OPA1: variants seen among roughly 807,000 people sequenced by gnomAD.
The protein encoded by OPA1 is dynamin-like GTPase OPA1, mitochondrial.
OPA1 carries 59 observed loss-of-function variants against 152.9 expected under a neutral mutation model. That is an observed-to-expected ratio of 0.39 (90% CI 0.31 to 0.48). The LOEUF is 0.48. Among genes scored for constraint, OPA1 ranks in the 20% least tolerant of loss-of-function variants. The probability of loss-of-function intolerance (pLI) is 0.96; values close to 1 mark genes in which losing one functional copy is unlikely to be tolerated. For synonymous variants in OPA1, 400 were observed against 389.9 expected (o/e 1.03, Z -0.31); for missense variants, 1,008 against 1,216.8 (o/e 0.83, Z 2.55).
intron 1 of OPA1, among the ~76,000 whole-genome samples, chr3:193,596,294 A>ACTTTTCTTTT (rs776639249): frequency 0.05 from 4,457 of 89,266 alleles, 89 homozygotes; most frequent in Non-Finnish European, 0.064. Context: ...GGCCATCGCA[A>ACTTTTCTTTT]CTTTTCTTTT....
chr3:193,612,268 C>CTTTT (rs34283831), intron 1 of OPA1, among the ~76,000 whole-genome samples: 11 of 116,330 alleles, frequency 9.5e-5, no homozygotes, highest in African/African-American at 3.6e-4. Context: ...GTCTAACTTC[C>CTTTT]TTTTTTTTTT....
At chr3:193,648,710 C>T in intron 20 of OPA1, 85 bp from the exon 21 acceptor site, 1 of 962,130 alleles carries the variant, frequency 1.0e-6, no homozygotes, top group Admixed American at 1.8e-5. Context: ...AGTCAAAAAC[C>T]TCCCTTTGGT....
At chr3:193,626,619 A>G (rs1468711564) in intron 7 of OPA1, among the ~76,000 whole-genome samples, 3 of 152,204 alleles carry the variant, frequency 2.0e-5, no homozygotes, top group Non-Finnish European at 4.4e-5. Flanking sequence ...ACATTTATTT[A>G]TTTGTTTTAG....
In OPA1 at chr3:193,692,152, C is replaced by T; in HGVS notation, c.*5+20C>T. 1 of 1,267,228 alleles carries T rather than the reference C, an allele frequency of 7.9e-7. No individual in the cohort carries two copies. The highest frequency in any genetic ancestry group is 1.1e-6 in the Non-Finnish European group (1 of 882,488). 78.5% of individuals were successfully genotyped at this position (1,267,228 alleles called of 1,614,324 possible). On this transcript the variant is annotated intron_variant, in intron 30 of 30. Transcript: ENST00000361510. ...AATTAAGTGAGTAAAAATTCTCTAA[C>T]TGTATTGGTGCTGACTAAATACAAA...
intron 30 of OPA1, among the ~76,000 whole-genome samples, chr3:193,694,398 A>G (rs762830662): frequency 1.7e-4 from 26 of 152,170 alleles, no homozygotes; most frequent in Non-Finnish European, 3.8e-4. Context: ...TCTTCAATTA[A>G]TTTTAGTATA....
At position 193,614,898 on chromosome 3, in the gene OPA1, T is replaced by G. The variant is rs1363343192; in HGVS notation, c.208T>G (p.Leu70Val). 2 of 1,613,996 alleles carry G rather than the reference T, an allele frequency of 1.2e-6. No individual in the cohort carries two copies. Among genetic ancestry groups the G allele is most frequent in the Admixed American group, 3.3e-5 (2 of 59,972 alleles). The stretch of plus-strand genomic sequence containing the variant: ...GTTCTCTTCTCTGACAAACCTTCCT[T>G]TACGTAAACTGAAATTCTCTCCAAT... Reference protein sequence around the residue: ...QQFSSLTNLPLRKLKFSPIKY... With the variant: ...QQFSSLTNLPVRKLKFSPIKY... Residue 70 changes from leucine to valine, a missense_variant, in exon 2 of 31, where the codon TTA (leucine) becomes GTA (valine). Around this residue, in one of 7 missense-constraint regions of OPA1, gnomAD observed 408 missense variants for 395.1 expected, o/e 1.03. Coordinates refer to ENST00000361510, the MANE Select transcript of OPA1 (RefSeq NM_130837.3).
At chr3:193,657,359 C>A in intron 23 of OPA1, 127 bp downstream of exon 23, 1 of 930,502 alleles carries the variant, frequency 1.1e-6, no homozygotes, top group Non-Finnish European at 1.7e-6. Flanking sequence ...AGTAAAGAAA[C>A]AGATTTATGA....
chr3:193,692,525 G>T (rs552545663), intron 30 of OPA1, among the ~76,000 whole-genome samples: 223 of 152,192 alleles, frequency 1.5e-3, no homozygotes, highest in Non-Finnish European at 2.5e-3. Flanking sequence ...TTTTCTGTTT[G>T]ACTTAATTAA....
Position 193,626,190 on chromosome 3 carries a change from A to G in OPA1, c.777A>G (p.Gln259=), listed in dbSNP as rs1291622025. 1.2e-6 allele frequency: 2 copies of G among 1,613,438 alleles called. No individual in the cohort carries two copies. Among genetic ancestry groups the G allele is most frequent in the African/African-American group, 2.7e-5 (2 of 74,926 alleles). ...GCCAATATAGCACGAGCTATGCCCA[A>G]CAGAAGCGCAAGGTGATGGATGGTT... is the stretch of plus-strand genomic sequence containing the variant. ...AAGQYSTSYA[Q]QKRKVSDKEK... is the part of the protein sequence containing the mutation. Residue 259 remains glutamine (Q), a synonymous_variant, in exon 7 of 31, where the codon CAA becomes CAG. Transcript: ENST00000361510.
At chr3:193,676,272 G>T (rs1577366940) in intron 29 of OPA1, among the ~76,000 whole-genome samples, 1 of 152,102 alleles carries the variant, frequency 6.6e-6, no homozygotes, top group East Asian at 1.9e-4. Flanking sequence ...AATAAATAAT[G>T]TATTTGTTTT....
At chr3:193,632,304 AC>A (rs1732207543) in intron 8 of OPA1, among the ~76,000 whole-genome samples, 2 of 152,148 alleles carry the variant, frequency 1.3e-5, no homozygotes, top group South Asian at 4.1e-4. Flanking sequence ...ACACAGTGAA[AC>A]CCCTTCTCTA....
At chr3:193,642,409 A>C (rs1337307831) in intron 11 of OPA1, among the ~76,000 whole-genome samples, 1 of 152,186 alleles carries the variant, frequency 6.6e-6, no homozygotes, top group African/African-American at 2.4e-5. Flanking sequence ...GTTAAATGCA[A>C]GGTTTCCTTT....
chr3:193,675,228 T>C (rs1365477099), intron 29 of OPA1, among the ~76,000 whole-genome samples: 3 of 150,550 alleles, frequency 2.0e-5, no homozygotes, highest in Admixed American at 6.6e-5. Flanking sequence ...TTTGTTTCTG[T>C]AGACTTAACC....
intron 19 of OPA1, 75 bp from the exon 20 acceptor site, chr3:193,647,995 G>A: frequency 9.9e-7 from 1 of 1,007,650 alleles, no homozygotes; most frequent in Non-Finnish European, 1.6e-6. Flanking sequence ...CAGAGGATAT[G>A]TATTTTAACC....
At chr3:193,634,496 C>A (rs1732625679) in intron 8 of OPA1, among the ~76,000 whole-genome samples, 1 of 151,942 alleles carries the variant, frequency 6.6e-6, no homozygotes, top group South Asian at 2.1e-4. Flanking sequence ...TGGCTCGCTG[C>A]AACCTCCGCC....
chr3:193,669,908 C>G (rs1181986746), intron 29 of OPA1, among the ~76,000 whole-genome samples: 2 of 152,126 alleles, frequency 1.3e-5, no homozygotes. Context: ...TCATATAACT[C>G]CCTTGAAATG....
intron 29 of OPA1, among the ~76,000 whole-genome samples, chr3:193,671,019 C>T (rs570025576): frequency 9.6e-4 from 146 of 152,178 alleles, no homozygotes; most frequent in African/African-American, 3.3e-3. Flanking sequence ...AAAATAATGA[C>T]AGTAACAAAT....
chr3:193,604,171 T>A (rs913632885), intron 1 of OPA1, among the ~76,000 whole-genome samples: 2 of 152,216 alleles, frequency 1.3e-5, no homozygotes, highest in Admixed American at 1.3e-4. Flanking sequence ...AGACTGGGCC[T>A]AATTGCAGGC....
chr3:193,687,877 A>C (rs1026125018), intron 29 of OPA1, among the ~76,000 whole-genome samples: 1 of 152,268 alleles, frequency 6.6e-6, no homozygotes. Context: ...ATATGTATAC[A>C]TAGCCAGCTC....
Sources: allele counts gnomAD v4.1 joint callset (sites outside exome capture counted in the v4.1 genomes callset), GRCh38; gene constraint gnomAD v4.1.1; regional missense constraint gnomAD v4.1.1; transcripts MANE v1.5; gene names NCBI Gene and HGNC (gene_info 2026-07-23, HGNC 2026-07-21).